PKNOX2: variants seen among roughly 807,000 people sequenced by gnomAD.
PKNOX2 encodes PBX/knotted 1 homeobox 2.
In PKNOX2, 14 loss-of-function variants were observed where a neutral mutation model predicts 53.1. That is an observed-to-expected ratio of 0.26 (90% confidence interval 0.17 to 0.41). The LOEUF (loss-of-function observed/expected upper bound fraction) is 0.41. Ranked by LOEUF, PKNOX2 falls within the 10% of genes least tolerant of loss-of-function variation. The pLI is 1.00. For missense variants in PKNOX2, 496 were observed against 602.8 expected (o/e 0.82, Z 1.85); for synonymous variants, 257 against 242.8 (o/e 1.06, Z -0.54).
chr11:125,324,783 C>A (rs1404653549), intron 2 of PKNOX2, among the ~76,000 whole-genome samples: 1 of 152,266 alleles, frequency 6.6e-6, no homozygotes, highest in East Asian at 1.9e-4. Context: ...ATGCACTTAC[C>A]TTCACCTGCT....
intron 8 of PKNOX2, 96 bp from the exon 9 acceptor site, chr11:125,410,683 C>G: frequency 1.1e-6 from 1 of 939,746 alleles, no homozygotes; most frequent in South Asian, 1.5e-5. Context: ...AGTAGAGGGT[C>G]TTTACACATG....
chr11:125,430,906 T>G (rs1956670735), intron 12 of PKNOX2, among the ~76,000 whole-genome samples: 1 of 152,122 alleles, frequency 6.6e-6, no homozygotes, highest in South Asian at 2.1e-4. Context: ...TGTTAGAAAG[T>G]CAAAAGTGGC....
At chr11:125,386,560 T>C (rs745794954) in intron 6 of PKNOX2, among the ~76,000 whole-genome samples, 3 of 152,186 alleles carry the variant, frequency 2.0e-5, no homozygotes, top group Admixed American at 6.5e-5. Flanking sequence ...ACCGAGGTTA[T>C]GCACAGTGAA....
At chr11:125,284,670 A>T (rs966288612) in intron 2 of PKNOX2, among the ~76,000 whole-genome samples, 5 of 152,130 alleles carry the variant, frequency 3.3e-5, no homozygotes, top group African/African-American at 1.2e-4. Context: ...CAGGCTACCG[A>T]GTGCTTGAGC....
chr11:125,212,654 T>G (rs1329954091), intron 1 of PKNOX2, among the ~76,000 whole-genome samples: 2 of 151,782 alleles, frequency 1.3e-5, no homozygotes, highest in Non-Finnish European at 2.9e-5. Flanking sequence ...GAAAAGGAAC[T>G]TCACAGCTGG....
At chr11:125,426,337 A>T (rs928219296) in intron 10 of PKNOX2, among the ~76,000 whole-genome samples, 1 of 152,210 alleles carries the variant, frequency 6.6e-6, no homozygotes, top group Non-Finnish European at 1.5e-5. Flanking sequence ...CCAGAGGGGT[A>T]CTTAGCACAG....
intron 7 of PKNOX2, among the ~76,000 whole-genome samples, chr11:125,408,158 G>T (rs999518319): frequency 7.2e-5 from 11 of 152,258 alleles, no homozygotes; most frequent in African/African-American, 2.7e-4. Flanking sequence ...CTAACGGGCT[G>T]TGTGGCCTTG....
intron 7 of PKNOX2, among the ~76,000 whole-genome samples, chr11:125,399,961 G>A (rs1407744292): frequency 6.6e-6 from 1 of 152,244 alleles, no homozygotes; most frequent in African/African-American, 2.4e-5. Flanking sequence ...TAAGTTCTCA[G>A]AGATGCTGCC....
At chr11:125,247,045 T>G (rs1943617037) in intron 2 of PKNOX2, among the ~76,000 whole-genome samples, 1 of 151,280 alleles carries the variant, frequency 6.6e-6, no homozygotes, top group Non-Finnish European at 1.5e-5. Flanking sequence ...ACTGGCTGTG[T>G]GTAGTACCCA....
At chr11:125,276,010 G>A (rs929493518) in intron 2 of PKNOX2, among the ~76,000 whole-genome samples, 6 of 152,302 alleles carry the variant, frequency 3.9e-5, no homozygotes, top group Admixed American at 6.5e-5. Context: ...AACAGAGGAG[G>A]CTGAGAAGGA....
intron 1 of PKNOX2, among the ~76,000 whole-genome samples, chr11:125,199,407 C>A (rs1040738172): frequency 1.1e-4 from 17 of 152,186 alleles, no homozygotes; most frequent in Admixed American, 7.9e-4. Context: ...CTGCCAGCCC[C>A]GCACATGCAT....
At chr11:125,300,765 C>T (rs888812535) in intron 2 of PKNOX2, among the ~76,000 whole-genome samples, 27 of 152,290 alleles carry the variant, frequency 1.8e-4, no homozygotes, top group African/African-American at 5.8e-4. Context: ...CAGATCCCAA[C>T]AGGCAGGGCC....
intron 1 of PKNOX2, among the ~76,000 whole-genome samples, chr11:125,230,490 T>C (rs1942114162): frequency 6.6e-6 from 1 of 152,200 alleles, no homozygotes; most frequent in South Asian, 2.1e-4. Context: ...GCTCCTGGAA[T>C]GGCCCATCTC....
chr11:125,379,145 C>T (rs1377264906), intron 5 of PKNOX2, among the ~76,000 whole-genome samples: 1 of 151,648 alleles, frequency 6.6e-6, no homozygotes, highest in Non-Finnish European at 1.5e-5. Context: ...ACTGCGACCT[C>T]CACCTCCTGG....
chr11:125,285,176 G>A (rs1946817810), intron 2 of PKNOX2, among the ~76,000 whole-genome samples: 1 of 152,036 alleles, frequency 6.6e-6, no homozygotes, highest in African/African-American at 2.4e-5. Flanking sequence ...CTCAAGGCTA[G>A]GGGGGTGATT....
chr11:125,178,517 A>C (rs938744159), intron 1 of PKNOX2, among the ~76,000 whole-genome samples: 3 of 148,456 alleles, frequency 2.0e-5, no homozygotes, highest in Admixed American at 6.7e-5. Flanking sequence ...TCTCAAAAAA[A>C]AAAAAGAAGA....
intron 5 of PKNOX2, among the ~76,000 whole-genome samples, chr11:125,384,452 G>A (rs1390478195): frequency 2.6e-5 from 4 of 152,212 alleles, no homozygotes; most frequent in African/African-American, 9.7e-5. Flanking sequence ...TTGGGAGGCT[G>A]AGACGGGCGG....
intron 1 of PKNOX2, among the ~76,000 whole-genome samples, chr11:125,179,010 A>C (rs1337318110): frequency 6.6e-6 from 1 of 152,128 alleles, no homozygotes; most frequent in Non-Finnish European, 1.5e-5. Flanking sequence ...TTCCCCTTCA[A>C]GCCTTGCCCT....
At chr11:125,198,842 T>TTC (rs1416327293) in intron 1 of PKNOX2, among the ~76,000 whole-genome samples, 10 of 76,126 alleles carry the variant, frequency 1.3e-4, no homozygotes, top group African/African-American at 3.6e-4. Flanking sequence ...CTTCTTCTTC[T>TTC]TTTTTTTTTT....
Sources: gnomAD v4.1 joint callset for allele counts (sites outside exome capture counted in the v4.1 genomes callset) on GRCh38, gnomAD v4.1.1 for gene constraint, MANE v1.5 for transcripts, NCBI Gene and HGNC (gene_info 2026-07-23, HGNC 2026-07-21) for gene names.